Variants in UGT2B11 observed in about 807,000 individuals in gnomAD.
The protein encoded by UGT2B11 is UDP glucuronosyltransferase family 2 member B11, also known as UDP-glucuronosyltransferase 2B11.
In UGT2B11, 49 loss-of-function variants were observed where a neutral mutation model predicts 51.7. The ratio of observed to expected loss-of-function variants is 0.95; its 90% CI spans 0.75 to 1.20. UGT2B11 has a LOEUF of 1.20. Ranked by LOEUF, UGT2B11 falls within the 50% of genes most tolerant of loss-of-function variation. The pLI, the probability that UGT2B11 is intolerant of heterozygous loss-of-function variation, is 0.00. For synonymous variants in UGT2B11, 273 were observed against 209.0 expected (o/e 1.31, Z -2.64); for missense variants, 810 against 622.1 (o/e 1.30, Z -3.21).
the UGT2B11 span, among the ~76,000 whole-genome samples, chr4:69,223,502 A>C: frequency 6.6e-6 from 1 of 152,182 alleles, no homozygotes; most frequent in Admixed American, 6.5e-5. Flanking sequence ...AATGGAGCAC[A>C]AGGACTGTTG....
chr4:69,221,173 G>A, the UGT2B11 span, among the ~76,000 whole-genome samples: 8 of 152,318 alleles, frequency 5.3e-5, no homozygotes, highest in African/African-American at 1.9e-4. Context: ...AGGCATGATA[G>A]GCTGTGATAT....
the UGT2B11 span, among the ~76,000 whole-genome samples, chr4:69,220,399 A>G: frequency 6.6e-6 from 1 of 151,878 alleles, no homozygotes; most frequent in African/African-American, 2.4e-5. Context: ...ACGGTGGCCC[A>G]CTTCTCACGG....
upstream of UGT2B11, chr4:69,215,535 G>C (rs1722243743): frequency 6.6e-6 from 1 of 152,010 alleles, no homozygotes; most frequent in African/African-American, 2.4e-5. Context: ...TAAGTTGATA[G>C]ATATTGATTT....
Position 69,214,295 on chromosome 4 carries a change from G to A in UGT2B11, c.428C>T (p.Ser143Leu). The A allele has an allele frequency of 2.5e-6, 4 of 1,613,220 alleles. No homozygotes were observed. The highest frequency in any genetic ancestry group is 3.4e-6 in the Non-Finnish European group (4 of 1,179,500). The change falls in exon 1 of 6, where the codon TCA becomes TTA. Residue 143 changes from serine to leucine, a missense_variant. Ser to Leu is a moderately radical substitution (Grantham distance 145, BLOSUM62 -2). Transcript: ENST00000446444. Reference protein sequence around the residue: ...NKKVMKKLQESRFDIVFADAV... With the variant: ...NKKVMKKLQELRFDIVFADAV... ...ATCTGCAAAAACGATGTCAAATCTT[G>A]ACTCTTGTAGTTTTTTCATAACTTT... is the stretch of plus-strand genomic sequence containing the variant.
chr4:69,213,277 A>G (rs2109954493), intron 1 of UGT2B11, among the ~76,000 whole-genome samples: 1 of 151,904 alleles, frequency 6.6e-6, no homozygotes, highest in Non-Finnish European at 1.5e-5. Context: ...TTTGTAAATT[A>G]TAGCTAGAAA....
intron 2 of UGT2B11, among the ~76,000 whole-genome samples, chr4:69,209,874 G>C (rs1355075346): frequency 1.3e-5 from 2 of 151,260 alleles, no homozygotes; most frequent in African/African-American, 4.9e-5. Context: ...CTCCTTTTGT[G>C]ATAATATTAT....
chr4:69,204,241 A>T, intron 5 of UGT2B11, 189 bp downstream of exon 5: 1 of 855,776 alleles, frequency 1.2e-6, no homozygotes, highest in Non-Finnish European at 1.7e-6. Flanking sequence ...CTGGTTACTC[A>T]TTAGATGTAT....
chr4:69,222,590 C>G, the UGT2B11 span, among the ~76,000 whole-genome samples: 2 of 152,196 alleles, frequency 1.3e-5, no homozygotes, highest in African/African-American at 2.4e-5. Flanking sequence ...TACCATAGAT[C>G]CCCAAATTAC....
intron 2 of UGT2B11, among the ~76,000 whole-genome samples, chr4:69,209,322 C>G (rs924900201): frequency 6.6e-5 from 10 of 151,652 alleles, no homozygotes; most frequent in Non-Finnish European, 1.5e-4. Flanking sequence ...CTCATCATCA[C>G]TTTGTTGTGT....
intron 2 of UGT2B11, among the ~76,000 whole-genome samples, 167 bp downstream of exon 2, chr4:69,212,406 G>T (rs1387710705): frequency 6.6e-6 from 1 of 151,512 alleles, no homozygotes; most frequent in East Asian, 1.9e-4. Flanking sequence ...ACTCACATAC[G>T]TGTGACGGTA....
Position 69,214,422 on chromosome 4 carries a change from G to T in UGT2B11, c.301C>A (p.Arg101=), listed in dbSNP as rs776369680. 4 of 1,612,834 alleles carry T rather than the reference G, an allele frequency of 2.5e-6. No individual in the cohort carries two copies. The highest frequency in any genetic ancestry group is 3.4e-6 in the Non-Finnish European group (4 of 1,179,438). The part of the protein sequence containing the change: ...MQQVKRWSDI[R]KDSFWLYFSQ... ...AAATATAACCAAAAGCTATCTTTTC[G>T]AATGTCTGACCATCTCTTAACCTGT... The change falls in exon 1 of 6, where the codon CGA becomes AGA. Residue 101 remains arginine, a synonymous_variant. Coordinates refer to ENST00000446444, the MANE Select transcript of UGT2B11 (RefSeq NM_001073.3).
At chr4:69,221,915 C>T in the UGT2B11 span, among the ~76,000 whole-genome samples, 2 of 152,378 alleles carry the variant, frequency 1.3e-5, no homozygotes, top group South Asian at 4.1e-4. Flanking sequence ...CCTTCATCCT[C>T]TGGGGCAGTG....
intron 2 of UGT2B11, among the ~76,000 whole-genome samples, chr4:69,211,899 C>T (rs1047729969): frequency 1.1e-4 from 16 of 151,350 alleles, no homozygotes; most frequent in Admixed American, 2.6e-4. Context: ...AATATGTATC[C>T]GGCTCTAATT....
At chr4:69,201,875 A>G (rs909589447) in intron 5 of UGT2B11, among the ~76,000 whole-genome samples, 2 of 151,874 alleles carry the variant, frequency 1.3e-5, no homozygotes, top group South Asian at 2.1e-4. Context: ...ATGGAAGATC[A>G]TCTTGAACAT....
At chr4:69,208,226 G>C (rs1281251965) in intron 3 of UGT2B11, 125 bp downstream of exon 3, 3 of 1,528,678 alleles carry the variant, frequency 2.0e-6, no homozygotes, top group Non-Finnish European at 2.6e-6. Context: ...AGCAACATAA[G>C]CATATTTAAG....
At chr4:69,210,416 G>A (rs778047789) in intron 2 of UGT2B11, among the ~76,000 whole-genome samples, 27 of 151,602 alleles carry the variant, frequency 1.8e-4, no homozygotes, top group Admixed American at 8.6e-4. Context: ...AATTATCTGA[G>A]AATGTAATAT....
chr4:69,220,253 C>G, the UGT2B11 span, among the ~76,000 whole-genome samples: 3 of 17,474 alleles, frequency 1.7e-4, no homozygotes, highest in South Asian at 5.0e-3. Context: ...CCATGGTCTT[C>G]GGCAGTTCAA....
intron 4 of UGT2B11, 95 bp downstream of exon 4, chr4:69,205,385 T>C (rs1721811665): frequency 6.7e-7 from 1 of 1,493,666 alleles, no homozygotes; most frequent in Admixed American, 2.1e-5. Context: ...AAGTTCTTTT[T>C]TGTTTTCCTA....
Position 69,200,200 on chromosome 4 carries a change from T to A in UGT2B11, c.*240A>T, listed in dbSNP as rs1036295314. 3 of 426,074 alleles carry A rather than the reference T, an allele frequency of 7.0e-6. No homozygotes were observed. The highest frequency in any genetic ancestry group is 1.1e-5 in the Non-Finnish European group (3 of 272,994). 26.4% of individuals were successfully genotyped at this position (426,074 alleles called of 1,614,324 possible). ...CAATATGAGCTCAAATGGCTTTATATTATTTTTTAATTTTCCTAGTATTTT... is the reference window on the plus strand; with the variant it reads ...CAATATGAGCTCAAATGGCTTTATAATATTTTTTAATTTTCCTAGTATTTT... On this transcript the variant is annotated 3_prime_UTR_variant, in exon 6 of 6. Coordinates refer to ENST00000446444, the MANE Select transcript of UGT2B11 (RefSeq NM_001073.3).
Sources: allele counts gnomAD v4.1 joint callset (sites outside exome capture counted in the v4.1 genomes callset), GRCh38; gene constraint gnomAD v4.1.1; transcripts MANE v1.5; gene names NCBI Gene and HGNC (gene_info 2026-07-23, HGNC 2026-07-21).